The following METTL15 variants were observed in gnomAD, a reference collection of about 807,000 sequenced individuals.
METTL15 encodes the protein methyltransferase 15, mitochondrial 12S rRNA N4-cytidine, also known as 12S rRNA N(4)-cytidine methyltransferase METTL15.
A neutral mutation model predicts 38.3 loss-of-function variants in METTL15; 34 were observed. That is an observed-to-expected ratio of 0.89 (90% CI 0.68 to 1.18). The LOEUF is 1.18. Ranked by LOEUF, METTL15 falls within the 50% of genes most tolerant of loss-of-function variation. The pLI is 0.00. For synonymous variants in METTL15, 162 were observed against 170.9 expected, an observed-to-expected ratio of 0.95 and a Z score of 0.41; for missense variants, 438 against 498.4, an observed-to-expected ratio of 0.88 and a Z score of 1.15.
intron 3 of METTL15, among the ~76,000 whole-genome samples, chr11:28,116,757 T>TA (rs961700048): frequency 5.3e-5 from 8 of 152,302 alleles, no homozygotes; most frequent in South Asian, 2.1e-4. Flanking sequence ...CAGCATTCTT[T>TA]AAAAAATTTT....
At chr11:28,358,915 C>T (rs927604756) in intron 4 of METTL15, among the ~76,000 whole-genome samples, 2 of 152,092 alleles carry the variant, frequency 1.3e-5, no homozygotes, top group Admixed American at 6.6e-5. Flanking sequence ...CATAAATATT[C>T]TTTGTTGTTG....
At position 28,137,864 on chromosome 11, in the gene METTL15, A is replaced by G. The variant is rs552074394; in HGVS notation, c.270+24260A>G. Among the ~76,000 whole-genome samples the G allele has an allele frequency of 3.9e-5, 6 of 152,104 alleles. No individual in the cohort carries two copies. The South Asian group carries it at 6.2e-4, about 16-fold the overall frequency. On this transcript the variant is annotated intron_variant, in intron 3 of 6. Transcript: ENST00000407364. ...CCAATCAATTAGAGCTATTTTTTAT[A>G]AAACCATCACACACATAACACATGT...
chr11:28,347,550 A>G (rs1850006231), intron 3 of METTL15, among the ~76,000 whole-genome samples: 1 of 152,160 alleles, frequency 6.6e-6, no homozygotes, highest in Non-Finnish European at 1.5e-5. Context: ...ACCTGGACTA[A>G]CCCATCAACG....
chr11:28,280,131 C>T (rs1354437066), intron 4 of METTL15, among the ~76,000 whole-genome samples: 1 of 152,116 alleles, frequency 6.6e-6, no homozygotes, highest in South Asian at 2.1e-4. Context: ...TATACTTACA[C>T]TTTCCATTGC....
intron 6 of METTL15, among the ~76,000 whole-genome samples, chr11:28,521,114 A>G (rs1392185261): frequency 6.6e-6 from 1 of 152,026 alleles, no homozygotes; most frequent in Non-Finnish European, 1.5e-5. Context: ...CCATAATTGT[A>G]TTTTATACAG....
At chr11:28,245,783 C>T (rs1471498140) in intron 4 of METTL15, among the ~76,000 whole-genome samples, 4 of 152,066 alleles carry the variant, frequency 2.6e-5, no homozygotes, top group African/African-American at 7.2e-5. Context: ...GGGAAGCAAG[C>T]GTGTCTTCAC....
At chr11:28,411,810 T>C (rs1417037903) in intron 5 of METTL15, among the ~76,000 whole-genome samples, 1 of 152,004 alleles carries the variant, frequency 6.6e-6, no homozygotes, top group Non-Finnish European at 1.5e-5. Context: ...AGAAACCTTC[T>C]GAACTGGAAA....
At chr11:28,390,568 G>A (rs1434212032) in intron 5 of METTL15, among the ~76,000 whole-genome samples, 1 of 152,146 alleles carries the variant, frequency 6.6e-6, no homozygotes, top group Admixed American at 6.5e-5. Context: ...TGAGGGCTCT[G>A]TTCTGTTCCA....
intron 4 of METTL15, among the ~76,000 whole-genome samples, chr11:28,258,560 C>G (rs1412375552): frequency 6.6e-6 from 1 of 152,234 alleles, no homozygotes. Context: ...TTTTAGTGTA[C>G]CGTAGCTGAG....
At chr11:28,127,442 G>A (rs1021653753) in intron 3 of METTL15, among the ~76,000 whole-genome samples, 4 of 152,144 alleles carry the variant, frequency 2.6e-5, no homozygotes, top group Non-Finnish European at 4.4e-5. Context: ...AGTATCTGTT[G>A]AGGACCTAGG....
chr11:28,370,513 A>G (rs1320033915), intron 5 of METTL15, among the ~76,000 whole-genome samples: 1 of 151,986 alleles, frequency 6.6e-6, no homozygotes, highest in Non-Finnish European at 1.5e-5. Context: ...GCTGCAAGAA[A>G]TGTGTGAGTG....
At chr11:28,425,116 T>G (rs939709367) in intron 6 of METTL15, among the ~76,000 whole-genome samples, 1 of 152,196 alleles carries the variant, frequency 6.6e-6, no homozygotes, top group African/African-American at 2.4e-5. Context: ...ATCAGAAGAC[T>G]GAGAGGCAGA....
intron 5 of METTL15, among the ~76,000 whole-genome samples, chr11:28,383,461 T>C (rs1172019369): frequency 6.6e-6 from 1 of 152,210 alleles, no homozygotes; most frequent in Non-Finnish European, 1.5e-5. Context: ...GAATAGTTTA[T>C]ATTCCTTTGG....
intron 4 of METTL15, among the ~76,000 whole-genome samples, chr11:28,358,201 C>A (rs919183366): frequency 6.6e-6 from 1 of 152,086 alleles, no homozygotes; most frequent in Admixed American, 6.6e-5. Flanking sequence ...CTGTCAACAG[C>A]CAATGAGCCT....
intron 3 of METTL15, among the ~76,000 whole-genome samples, chr11:28,177,311 T>A (rs1055637889): frequency 1.1e-4 from 17 of 152,042 alleles, no homozygotes; most frequent in Non-Finnish European, 2.1e-4. Context: ...TGAAAAGATT[T>A]AGTAGAGTTA....
intron 3 of METTL15, among the ~76,000 whole-genome samples, chr11:28,139,174 G>A (rs942625050): frequency 6.6e-6 from 1 of 152,120 alleles, no homozygotes; most frequent in African/African-American, 2.4e-5. Context: ...TTCCTACTTT[G>A]GGGGATATAT....
intron 4 of METTL15, among the ~76,000 whole-genome samples, chr11:28,353,692 G>A (rs1331032969): frequency 1.3e-5 from 2 of 152,004 alleles, no homozygotes; most frequent in African/African-American, 4.8e-5. Context: ...TTGGGAGGCC[G>A]AGGCGGGTGG....
chr11:28,131,876 G>A (rs927244384), intron 3 of METTL15, among the ~76,000 whole-genome samples: 10 of 152,084 alleles, frequency 6.6e-5, no homozygotes, highest in African/African-American at 2.4e-4. Context: ...TAGCCTTGTT[G>A]AGCTATTTAG....
intron 5 of METTL15, among the ~76,000 whole-genome samples, chr11:28,385,112 T>G (rs1475872664): frequency 6.6e-6 from 1 of 152,228 alleles, no homozygotes; most frequent in Non-Finnish European, 1.5e-5. Context: ...ACTCTGTTGA[T>G]AGTTTCCTTT....
Sources: allele counts gnomAD v4.1 joint callset (sites outside exome capture counted in the v4.1 genomes callset), GRCh38; gene constraint gnomAD v4.1.1; transcripts MANE v1.5; gene names NCBI Gene and HGNC (gene_info 2026-07-23, HGNC 2026-07-21).